The following LTK variants were observed in gnomAD, a reference collection of about 807,000 sequenced individuals.
LTK encodes the protein leukocyte receptor tyrosine kinase.
In LTK, 117 loss-of-function variants were observed where a neutral mutation model predicts 101.5. The ratio of observed to expected loss-of-function variants is 1.15; its 90% CI spans 0.99 to 1.34. The LOEUF (loss-of-function observed/expected upper bound fraction) is 1.34. Among genes scored for constraint, LTK ranks in the 40% most tolerant of loss-of-function variants. The pLI is 0.00. For missense variants in LTK, 1,252 were observed against 1,164.7 expected, an observed-to-expected ratio of 1.07 and a Z score of -1.09; for synonymous variants, 563 against 494.2, an observed-to-expected ratio of 1.14 and a Z score of -1.85.
chr15:41,512,732 G>A lies in LTK; in HGVS notation c.334C>T (p.Arg112Cys), dbSNP rs762526230. Residue 112 changes from arginine (R) to cysteine (C), a missense_variant, in exon 3 of 20, where the codon CGC (arginine) becomes TGC (cysteine). Arg to Cys is a radical substitution (Grantham distance 180). Transcript: ENST00000263800. ...AGATACTGGCCAGGGCCCGGCACGC[G>A]CCACAGCTGCACGCCTCTCAGCTGC... ...AGQLRGVQLWRVPGPGQYLIS... is the reference protein window; with the variant it reads ...AGQLRGVQLWCVPGPGQYLIS... 23 of 1,603,448 alleles carry A rather than the reference G, an allele frequency of 1.4e-5. No individual in the cohort carries two copies. The highest frequency in any genetic ancestry group is 1.9e-5 in the Non-Finnish European group (22 of 1,177,212).
chr15:41,512,130 C>T lies in LTK; in HGVS notation c.495G>A (p.Glu165=), dbSNP rs1265942197. The T allele has an allele frequency of 6.2e-7, 1 of 1,610,112 alleles. No homozygotes were observed. The highest frequency in any genetic ancestry group is 8.5e-7 in the Non-Finnish European group (1 of 1,178,350). Residue 165 remains glutamate, a synonymous_variant, in exon 4 of 20, where the codon GAG becomes GAA. Coordinates refer to ENST00000263800, the MANE Select transcript of LTK (RefSeq NM_002344.6). ...SLYILVGQQG[E]DACPGGSPES... ...CTGCGCTCACTCCGGGACAGGCGTC[C>T]TCTCCCTGCTGCCCCACCAGGATGT...
rs1200104995 is a variant in LTK at position 41,513,084 on chromosome 15, G to C, written c.80C>G (p.Thr27Ser). 1 of 1,610,404 alleles carries C rather than the reference G, an allele frequency of 6.2e-7. No homozygotes were observed. Among genetic ancestry groups the C allele is most frequent in the South Asian group, 1.1e-5 (1 of 90,804 alleles). The change falls in exon 2 of 20, where the codon ACT becomes AGT. Residue 27 changes from threonine to serine, a missense_variant. Physicochemically the swap from Thr to Ser is moderately conservative, Grantham distance 58. Transcript: ENST00000263800. ...ILCSSPGSQE[T>S]FLRSSPLPLA... Reference sequence around the variant, plus strand: ...CGGCAGGGGCGAGGACCGCAGAAAAGTCTCCTGGGACCCCGGGCTAGAGCA... The same window carrying C: ...CGGCAGGGGCGAGGACCGCAGAAAACTCTCCTGGGACCCCGGGCTAGAGCA...
chr15:41,511,815 AC>A lies in LTK; in HGVS notation c.657+1del. The A allele has an allele frequency of 1.3e-6, 2 of 1,488,874 alleles. No individual in the cohort carries two copies. The highest frequency in any genetic ancestry group is 2.5e-5 in the Admixed American group (1 of 39,530). 92.2% of individuals were successfully genotyped at this position (1,488,874 alleles called of 1,614,324 possible). On this transcript the variant is annotated splice_donor_variant, in intron 5 of 19. Coordinates refer to ENST00000263800, the MANE Select transcript of LTK (RefSeq NM_002344.6). LOFTEE classifies it high-confidence loss of function. This position sits in a 1 kb window ranked among gnomAD's most constrained non-coding sequence, Gnocchi z 5.9. Reference sequence around the variant, plus strand: ...ACGCTGAGCGCCGAAGGGAGCACGTACCCGGAAAACGTAGGTGGCGCCCCCG... The same window carrying A: ...ACGCTGAGCGCCGAAGGGAGCACGTACCGGAAAACGTAGGTGGCGCCCCCG...
In LTK at chr15:41,512,153, T is replaced by G. The variant is rs2051496542; in HGVS notation, c.472A>C (p.Ile158Leu). The part of the protein sequence containing the change: ...FSLGLGESLY[I>L]LVGQQGEDAC... ...TCCTCTCCCTGCTGCCCCACCAGGA[T>G]GTACAGCGACTCCCCGAGACCGAGG... is the stretch of plus-strand genomic sequence containing the variant. Residue 158 changes from isoleucine to leucine, a missense_variant, in exon 4 of 20, where the codon ATC (isoleucine) becomes CTC (leucine). Physicochemically the swap from Ile to Leu is conservative, Grantham distance 5. Transcript: ENST00000263800. 4.3e-6 allele frequency: 7 copies of G among 1,612,388 alleles called. No individual in the cohort carries two copies. Among genetic ancestry groups the G allele is most frequent in the Non-Finnish European group, 5.9e-6 (7 of 1,179,496 alleles).
rs2051469490 is a variant in LTK, at chr15:41,511,692, G to C, written c.658-114C>G. 2.1e-6 allele frequency: 3 copies of C among 1,399,464 alleles called. No individual in the cohort carries two copies. Among genetic ancestry groups the C allele is most frequent in the Non-Finnish European group, 2.8e-6 (3 of 1,078,474 alleles). The allele number at this position is 1,399,464 out of a possible 1,614,324, so 86.7% of individuals were successfully genotyped here. Reference sequence around the variant, plus strand: ...GATAAGGGCAGGGGCCCCCAGCCCAGCCCAGGCCAGCCCAGCCCAGCGCAG... The same window carrying C: ...GATAAGGGCAGGGGCCCCCAGCCCACCCCAGGCCAGCCCAGCCCAGCGCAG... On this transcript the variant is annotated intron_variant, in intron 5 of 19. Transcript: ENST00000263800. The surrounding 1 kb of genome is among the most constrained non-coding windows in gnomAD (Gnocchi z 5.9).
In LTK at chr15:41,511,933, C is replaced by G. The variant is rs1736682547; in HGVS notation, c.541G>C (p.Gly181Arg). The change falls in exon 5 of 20, where the codon GGG (glycine) becomes CGG (arginine). Residue 181 changes from glycine (G) to arginine (R), a missense_variant. Coordinates refer to ENST00000263800, the MANE Select transcript of LTK (RefSeq NM_002344.6). This position sits in a 1 kb window ranked among gnomAD's most constrained non-coding sequence, Gnocchi z 5.9. ...GSPESQLVCL[G>R]ESRAVEEHAA... is the part of the protein sequence containing the mutation. ...TGCTCTTCAACGGCTCGAGACTCCCCGAGGCAGACGAGCTGGCTCTCCGGG... is the reference window on the plus strand; with the variant it reads ...TGCTCTTCAACGGCTCGAGACTCCCGGAGGCAGACGAGCTGGCTCTCCGGG... The G allele has an allele frequency of 6.0e-6, 9 of 1,498,036 alleles. No individual in the cohort carries two copies. Among genetic ancestry groups the G allele is most frequent in the Non-Finnish European group, 7.0e-6 (8 of 1,138,474 alleles). 92.8% of individuals were successfully genotyped at this position (1,498,036 alleles called of 1,614,324 possible). A position where few individuals can be genotyped will look rare whatever the true frequency, so the allele number is the denominator to read the frequency against.
intron 8 of LTK, 140 bp from the exon 9 acceptor site, chr15:41,508,361 A>G (rs1255209124): frequency 1.6e-6 from 1 of 626,796 alleles, no homozygotes. Flanking sequence ...CGGAGGTCAG[A>G]AGTTCAAGAC....
intron 4 of LTK, 28 bp downstream of exon 4, chr15:41,512,087 C>T: frequency 1.3e-6 from 2 of 1,554,982 alleles, no homozygotes; most frequent in Non-Finnish European, 1.7e-6. Flanking sequence ...GGCGCCGGCG[C>T]CGCCCCATCC....
intron 8 of LTK, 73 bp downstream of exon 8, chr15:41,508,958 G>T: frequency 1.0e-6 from 1 of 953,470 alleles, no homozygotes; most frequent in Non-Finnish European, 1.6e-6. Flanking sequence ...GCTCTTCAGT[G>T]CAGTGCAGGA....
chr15:41,511,853 A>ACCAACCCC lies in LTK; in HGVS notation c.620_621insGGGGTTGG (p.Gly209LeufsTer35). ...AGGTGGCGCCCCCGCCACCCCCGCCACCTCCCGCCCAGCGCCGCGACCCCG... is the reference window on the plus strand; with the variant it reads ...AGGTGGCGCCCCCGCCACCCCCGCCACCAACCCCCCTCCCGCCCAGCGCCGCGACCCCG... On this transcript the variant is annotated frameshift_variant, in exon 5 of 20. Transcript: ENST00000263800. LOFTEE classifies it high-confidence loss of function. This position sits in a 1 kb window ranked among gnomAD's most constrained non-coding sequence, Gnocchi z 5.9. The ACCAACCCC allele has an allele frequency of 1.4e-6, 1 of 711,848 alleles. No individual in the cohort carries two copies. Among genetic ancestry groups the ACCAACCCC allele is most frequent in the Non-Finnish European group, 1.9e-6 (1 of 514,982 alleles). 44.1% of individuals were successfully genotyped at this position (711,848 alleles called of 1,614,324 possible).
At chr15:41,504,737 G>T (rs367709220) in intron 17 of LTK, 36 bp downstream of exon 17, 37 of 1,494,946 alleles carry the variant, frequency 2.5e-5, no homozygotes, top group Non-Finnish European at 3.3e-5. Context: ...CAGGGGAGGG[G>T]AACAGTGGGG....
rs1429871276 is a variant in LTK, at chr15:41,508,102, T to C, written c.1216A>G (p.Met406Val). The change falls in exon 9 of 20, where the codon ATG (methionine) becomes GTG (valine). Residue 406 changes from methionine (M) to valine (V), a missense_variant. By Grantham distance (21) the Met-to-Val change is conservative. Transcript: ENST00000263800. The part of the protein sequence containing the change: ...QLAECLCPEG[M>V]ELAVDNVTCM... ...GTGACGTTATCCACAGCTAGCTCCA[T>C]GCCTTCTGGGCACAGGCATTCAGCC... 4 of 1,612,664 alleles carry C rather than the reference T, an allele frequency of 2.5e-6. No individual in the cohort carries two copies. In the South Asian group the frequency reaches 4.4e-5, roughly 18 times the overall value.
intron 8 of LTK, 27 bp downstream of exon 8, chr15:41,509,004 G>A (rs748572817): frequency 2.7e-5 from 41 of 1,533,732 alleles, no homozygotes; most frequent in Admixed American, 3.6e-5. Flanking sequence ...TCCAGGCCAG[G>A]CTCAGAGGTG....
chr15:41,506,613 CAG>C (rs548826623), intron 11 of LTK, among the ~76,000 whole-genome samples: 61 of 151,598 alleles, frequency 4.0e-4, no homozygotes, highest in South Asian at 3.1e-3. Flanking sequence ...TTTATTGAGA[CAG>C]AGTCTCACTC....
rs1158306424 is a variant in LTK, at chr15:41,507,188, G to A, written c.1448C>T (p.Pro483Leu). The A allele has an allele frequency of 1.2e-6, 2 of 1,613,804 alleles. No individual in the cohort carries two copies. Among genetic ancestry groups the A allele is most frequent in the Admixed American group, 1.7e-5 (1 of 59,886 alleles). ...RTSAIRTAPN[P>L]YYCQVGLGPA... is the part of the protein sequence containing the mutation. ...GCCAAGCCCCACCTGGCAATAATAGGGATTGGGGGCTGTCCTGATGGCAGA... is the reference window on the plus strand; with the variant it reads ...GCCAAGCCCCACCTGGCAATAATAGAGATTGGGGGCTGTCCTGATGGCAGA... The change falls in exon 11 of 20, where the codon CCC (proline) becomes CTC (leucine). Residue 483 changes from proline to leucine, a missense_variant. By Grantham distance (98) the Pro-to-Leu change is moderately conservative. Coordinates refer to ENST00000263800, the MANE Select transcript of LTK (RefSeq NM_002344.6).
In LTK at chr15:41,504,757, G is replaced by T; in HGVS notation, c.2120+16C>A. ...GAGGGGAACAGTGGGGAAGGGGAGG[G>T]GAAGGGTGTTATCACCAGGAATCTG... On this transcript the variant is annotated intron_variant, in intron 17 of 19. Coordinates refer to ENST00000263800, the MANE Select transcript of LTK (RefSeq NM_002344.6). The T allele has an allele frequency of 6.2e-7, 1 of 1,607,484 alleles. No homozygotes were observed. Among genetic ancestry groups the T allele is most frequent in the Non-Finnish European group, 8.5e-7 (1 of 1,176,866 alleles).
At chr15:41,505,378 G>GA in intron 14 of LTK, 23 bp downstream of exon 14, 2 of 1,613,706 alleles carry the variant, frequency 1.2e-6, no homozygotes, top group Non-Finnish European at 1.7e-6. Context: ...AGGGGCCTGG[G>GA]GGGGCTAAGA....
Position 41,511,383 on chromosome 15 carries a change from G to A in LTK, c.815-37C>T. ...CAGCAGGAAGGTTGGCAGCCACACG[G>A]GGAGCACGCCCGCCTCTCCCCGCGG... On this transcript the variant is annotated intron_variant, in intron 6 of 19. Transcript: ENST00000263800. This position sits in a 1 kb window ranked among gnomAD's most constrained non-coding sequence, Gnocchi z 5.9. 7.3e-7 allele frequency: 1 copy of A among 1,366,406 alleles called. No individual in the cohort carries two copies. Among genetic ancestry groups the A allele is most frequent in the Non-Finnish European group, 9.4e-7 (1 of 1,068,186 alleles). The allele number at this position is 1,366,406 out of a possible 1,614,324, so 84.6% of individuals were successfully genotyped here. A position where few individuals can be genotyped will look rare whatever the true frequency, so the allele number is the denominator to read the frequency against.
intron 11 of LTK, 117 bp from the exon 12 acceptor site, chr15:41,506,122 ACT>A (rs1355301124): frequency 7.6e-6 from 5 of 660,478 alleles, no homozygotes; most frequent in South Asian, 7.3e-5. Context: ...CCCTATATAG[ACT>A]CTCTCCATAC....
Sources: gnomAD v4.1 joint callset for allele counts (sites outside exome capture counted in the v4.1 genomes callset) on GRCh38, gnomAD v4.1.1 for gene constraint, Gnocchi (gnomAD v3.1) non-coding constraint, MANE v1.5 for transcripts, NCBI Gene and HGNC (gene_info 2026-07-23, HGNC 2026-07-21) for gene names.